ADCY3: variants seen among roughly 807,000 people sequenced by gnomAD.
ADCY3 encodes adenylate cyclase type 3.
Under a neutral mutation model 119.4 loss-of-function variants are expected in ADCY3, and 70 were observed. The ratio of observed to expected loss-of-function variants is 0.59; its 90% CI spans 0.48 to 0.72. The LOEUF is 0.72. ADCY3 is among the 30% of genes least tolerant of loss of function. ADCY3 has a pLI of 0.00. For missense variants in ADCY3, 1,238 were observed against 1,541.6 expected (o/e 0.80, Z 3.30); for synonymous variants, 672 against 621.4 (o/e 1.08, Z -1.21).
At chr2:24,840,092 C>T in intron 6 of ADCY3, 61 bp from the exon 7 acceptor site, 2 of 1,554,272 alleles carry the variant, frequency 1.3e-6, no homozygotes, top group South Asian at 1.2e-5. Flanking sequence ...GCCAGCTGCC[C>T]CTGCTCCTGC....
chr2:24,872,735 G>A lies in ADCY3; in HGVS notation c.676-16C>T. 1 of 1,611,078 alleles carries A rather than the reference G, an allele frequency of 6.2e-7. No individual in the cohort carries two copies. Among genetic ancestry groups the A allele is most frequent in the East Asian group, 2.2e-5 (1 of 44,772 alleles). On this transcript the variant is annotated splice_polypyrimidine_tract_variant and intron_variant, in intron 2 of 21. Coordinates refer to ENST00000679454, the MANE Select transcript of ADCY3 (RefSeq NM_004036.5). The surrounding 1 kb of genome is among the most constrained non-coding windows in gnomAD (Gnocchi z 4.4). ...TGGCCAGGATCTGCACCCCAAGGAA[G>A]AAGAGAGAAAAGGCCAGGGGTGAAG...
chr2:24,912,704 C>T (rs369623239), intron 2 of ADCY3, among the ~76,000 whole-genome samples: 2 of 152,230 alleles, frequency 1.3e-5, no homozygotes, highest in African/African-American at 2.4e-5. Flanking sequence ...TAGAAAAACT[C>T]GCTGACTATA....
At chr2:24,850,773 GAC>G (rs1164117331) in intron 3 of ADCY3, among the ~76,000 whole-genome samples, 2 of 152,202 alleles carry the variant, frequency 1.3e-5, no homozygotes, top group Admixed American at 6.5e-5. Flanking sequence ...TAATTAAAAT[GAC>G]ACATCCTCTG....
intron 2 of ADCY3, among the ~76,000 whole-genome samples, chr2:24,908,122 G>T (rs2149034562): frequency 6.6e-6 from 1 of 152,304 alleles, no homozygotes; most frequent in Admixed American, 6.5e-5. Context: ...AGGAATTCAA[G>T]ACCAGCCTGG....
At position 24,878,570 on chromosome 2, in the gene ADCY3, G is replaced by A. The variant is rs957419909; in HGVS notation, c.676-5851C>T. On this transcript the variant is annotated intron_variant, in intron 2 of 21. Coordinates refer to ENST00000679454, the MANE Select transcript of ADCY3 (RefSeq NM_004036.5). This position sits in a 1 kb window ranked among gnomAD's most constrained non-coding sequence, Gnocchi z 4.0. ...GACGTTCTGCGGCTGGAGGCCAGCC[G>A]CACGGGAAACTCGTCATTAAAACTT... is the stretch of plus-strand genomic sequence containing the variant. 1.1e-4 allele frequency among the ~76,000 whole-genome samples: 16 copies of A among 152,008 alleles called. No homozygotes were observed. Among genetic ancestry groups the A allele is most frequent in the Admixed American group, 7.2e-4 (11 of 15,276 alleles).
At chr2:24,827,486 T>A in intron 15 of ADCY3, 60 bp downstream of exon 15, 1 of 1,537,128 alleles carries the variant, frequency 6.5e-7, no homozygotes, top group Non-Finnish European at 8.8e-7. Context: ...GCCTGTTATA[T>A]TCCTGTCTCT....
chr2:24,846,734 A>G (rs1302670072), intron 3 of ADCY3, among the ~76,000 whole-genome samples: 1 of 152,038 alleles, frequency 6.6e-6, no homozygotes, highest in Non-Finnish European at 1.5e-5. Context: ...GCCTGCCCCC[A>G]TGCCCGGCTA....
chr2:24,865,369 C>T (rs2148760454), intron 3 of ADCY3, among the ~76,000 whole-genome samples: 1 of 152,174 alleles, frequency 6.6e-6, no homozygotes, highest in South Asian at 2.1e-4. Flanking sequence ...CGCTTAAACC[C>T]AGGAGGCGGA....
At chr2:24,830,044 C>T (rs1398993113) in intron 13 of ADCY3, among the ~76,000 whole-genome samples, 2 of 132,736 alleles carry the variant, frequency 1.5e-5, no homozygotes, top group African/African-American at 2.8e-5. Flanking sequence ...AGTGAATTAC[C>T]TTTTTTTTTT....
intron 2 of ADCY3, among the ~76,000 whole-genome samples, chr2:24,873,836 C>A (rs149125787): frequency 2.0e-5 from 3 of 152,210 alleles, no homozygotes; most frequent in African/African-American, 7.2e-5. Flanking sequence ...CCCGACGCCT[C>A]GCCTGCTAGG....
At chr2:24,861,856 G>A (rs1471305450) in intron 3 of ADCY3, among the ~76,000 whole-genome samples, 3 of 152,352 alleles carry the variant, frequency 2.0e-5, no homozygotes, top group South Asian at 2.1e-4. Flanking sequence ...GGGGGCCAGC[G>A]TGACGGCATC....
At chr2:24,861,882 G>T (rs1208976224) in intron 3 of ADCY3, among the ~76,000 whole-genome samples, 1 of 152,194 alleles carries the variant, frequency 6.6e-6, no homozygotes, top group East Asian at 1.9e-4. Flanking sequence ...GCCCCAAAGG[G>T]CTTCATGGTT....
chr2:24,916,267 C>G (rs1215275214), intron 2 of ADCY3, among the ~76,000 whole-genome samples: 1 of 152,240 alleles, frequency 6.6e-6, no homozygotes, highest in African/African-American at 2.4e-5. Flanking sequence ...GGCCCCGGCC[C>G]AGCCCTGTGG....
Position 24,838,642 on chromosome 2 carries a change from G to A in ADCY3, c.1356-20C>T. Reference sequence around the variant, plus strand: ...ACGCGCCTGGATTGCAGAGAGAGAGGCCCTGAGCGTCGGCCAGAGGTGGCC... The same window carrying A: ...ACGCGCCTGGATTGCAGAGAGAGAGACCCTGAGCGTCGGCCAGAGGTGGCC... On this transcript the variant is annotated intron_variant, in intron 7 of 21. Transcript: ENST00000679454. The A allele has an allele frequency of 1.2e-6, 2 of 1,612,622 alleles. No homozygotes were observed. Among genetic ancestry groups the A allele is most frequent in the Non-Finnish European group, 1.7e-6 (2 of 1,179,550 alleles).
chr2:24,902,356 T>C (rs1157396067), intron 2 of ADCY3, among the ~76,000 whole-genome samples: 1 of 151,004 alleles, frequency 6.6e-6, no homozygotes, highest in African/African-American at 2.5e-5. Flanking sequence ...GTTGAGATTA[T>C]AGACGTGAGC....
At chr2:24,844,051 C>G (rs1006953591) in intron 3 of ADCY3, among the ~76,000 whole-genome samples, 2 of 152,124 alleles carry the variant, frequency 1.3e-5, no homozygotes, top group African/African-American at 2.4e-5. Context: ...TAGCTCATGG[C>G]AGGGACACAA....
At chr2:24,838,404 G>A (rs1415553919) in intron 8 of ADCY3, 41 bp downstream of exon 8, 1 of 787,450 alleles carries the variant, frequency 1.3e-6, no homozygotes, top group African/African-American at 2.8e-5. Context: ...TAATCCAGGG[G>A]TGGGGTGGGT....
At chr2:24,825,349 TGCGGGGGG>T (rs1668462418) in intron 16 of ADCY3, among the ~76,000 whole-genome samples, 1 of 83,828 alleles carries the variant, frequency 1.2e-5, no homozygotes, top group South Asian at 3.4e-4. Context: ...GGGGGGGGGG[TGCGGGGGG>T]GGTGTCTCAC....
At chr2:24,827,769 T>A (rs1668828887) in intron 14 of ADCY3, 133 bp downstream of exon 14, 1 of 1,455,192 alleles carries the variant, frequency 6.9e-7, no homozygotes, top group African/African-American at 1.4e-5. Flanking sequence ...AGCCAGGAAC[T>A]GGTTCTTGAA....
Sources: allele counts gnomAD v4.1 joint callset (sites outside exome capture counted in the v4.1 genomes callset), GRCh38; gene constraint gnomAD v4.1.1; non-coding constraint Gnocchi (gnomAD v3.1); transcripts MANE v1.5; gene names NCBI Gene and HGNC (gene_info 2026-07-23, HGNC 2026-07-21).